NUP58: variants seen among roughly 807,000 people sequenced by gnomAD.
NUP58 encodes nucleoporin 58, also known as nucleoporin p58/p45.
In NUP58, 17 loss-of-function variants were observed where a neutral mutation model predicts 70.1. That is an observed-to-expected ratio of 0.24 (90% CI 0.17 to 0.36). The LOEUF is 0.36. Among genes scored for constraint, NUP58 ranks in the 10% least tolerant of loss-of-function variants. The pLI is 1.00. For synonymous variants in NUP58, 275 were observed against 257.6 expected (o/e 1.07, Z -0.65); for missense variants, 644 against 701.5 (o/e 0.92, Z 0.93).
At chr13:25,336,065 A>G (rs1220928555) in intron 13 of NUP58, 28 of 1,200,276 alleles carry the variant, frequency 2.3e-5, no homozygotes, top group Non-Finnish European at 2.9e-5. Flanking sequence ...TAAAGTAACA[A>G]GAGGGAAAAG....
At chr13:25,335,681 G>C (rs2031755320) in intron 13 of NUP58, 1 of 985,018 alleles carries the variant, frequency 1.0e-6, no homozygotes, top group Non-Finnish European at 1.2e-6. Context: ...TTCTGTCCCA[G>C]TGTAGCAAAA....
At chr13:25,305,872 C>T (rs185807578) in intron 1 of NUP58, among the ~76,000 whole-genome samples, 85 of 152,076 alleles carry the variant, frequency 5.6e-4, no homozygotes, top group South Asian at 2.9e-3. Flanking sequence ...TGAAGACACC[C>T]GGACCCAAGT....
intron 3 of NUP58, among the ~76,000 whole-genome samples, chr13:25,312,049 G>A (rs993608381): frequency 3.3e-5 from 5 of 152,148 alleles, no homozygotes; most frequent in Admixed American, 6.5e-5. Context: ...TTAATCACCT[G>A]TAGGAGAAAT....
At chr13:25,333,542 G>C (rs960056470) in intron 13 of NUP58, 3 of 985,184 alleles carry the variant, frequency 3.0e-6, no homozygotes, top group Non-Finnish European at 3.6e-6. Context: ...TGAATTCTTA[G>C]AACTGAGAAG....
chr13:25,312,886 C>T lies in NUP58; in HGVS notation c.290C>T (p.Thr97Met), dbSNP rs368369763. 101 of 1,603,386 alleles carry T rather than the reference C, an allele frequency of 6.3e-5. No homozygotes were observed. Among genetic ancestry groups the T allele is most frequent in the Non-Finnish European group, 7.6e-5 (89 of 1,174,412 alleles). Reference sequence around the variant, plus strand: ...ATTCATTTATTTATTTAAATAGGAACGCCAGCCACTACATCTGCAGCTACA... The same window carrying T: ...ATTCATTTATTTATTTAAATAGGAATGCCAGCCACTACATCTGCAGCTACA... ...TTITTGLTLG[T>M]PATTSAATTG... The change falls in exon 4 of 16, where the codon ACG (threonine) becomes ATG (methionine). Residue 97 changes from threonine (T) to methionine (M), a missense_variant. Around this residue, in one of 4 missense-constraint regions of NUP58, gnomAD observed 430 missense variants for 409.2 expected, o/e 1.05. Coordinates refer to ENST00000381736, the MANE Select transcript of NUP58 (RefSeq NM_014089.4).
At chr13:25,302,893 T>C in intron 1 of NUP58, 1 of 449,060 alleles carries the variant, frequency 2.2e-6, no homozygotes, top group Non-Finnish European at 4.4e-6. Flanking sequence ...CTGATAATGT[T>C]ACTTCTGCCA....
intron 13 of NUP58, chr13:25,333,912 G>A (rs1026763562): frequency 1.0e-6 from 1 of 985,260 alleles, no homozygotes; most frequent in Non-Finnish European, 1.2e-6. Flanking sequence ...ATTTGCATAT[G>A]AAATTTTTAT....
downstream of NUP58, among the ~76,000 whole-genome samples, chr13:25,346,093 ATAAT>A (rs1361451660): frequency 2.0e-5 from 3 of 152,182 alleles, no homozygotes; most frequent in Admixed American, 6.5e-5. Flanking sequence ...ACATTCCTTA[ATAAT>A]TTGTGTGATC....
chr13:25,331,950 T>C (rs1360995501), intron 13 of NUP58: 14 of 1,054,550 alleles, frequency 1.3e-5, no homozygotes, highest in Non-Finnish European at 1.6e-5. Context: ...TATATGATAC[T>C]GATAGGTGGT....
intron 2 of NUP58, among the ~76,000 whole-genome samples, chr13:25,308,840 C>T (rs567480318): frequency 2.0e-5 from 3 of 152,236 alleles, no homozygotes; most frequent in Admixed American, 2.0e-4. Flanking sequence ...CTACTTTTTG[C>T]GTTGATCTTC....
chr13:25,338,746 G>C lies in NUP58; in HGVS notation c.1630+15G>C. On this transcript the variant is annotated intron_variant, in intron 15 of 15. Coordinates refer to ENST00000381736, the MANE Select transcript of NUP58 (RefSeq NM_014089.4). ...TCTTAGTGCAGGTTTGTGTGTTTCT[G>C]CCTGGATTTCAGGCAAATTTAAAGG... 6.3e-7 allele frequency: 1 copy of C among 1,594,852 alleles called. No homozygotes were observed. Among genetic ancestry groups the C allele is most frequent in the Non-Finnish European group, 8.6e-7 (1 of 1,163,960 alleles).
intron 2 of NUP58, 102 bp downstream of exon 2, chr13:25,308,050 C>A: frequency 7.5e-7 from 1 of 1,326,606 alleles, no homozygotes; most frequent in South Asian, 1.6e-5. Flanking sequence ...TGGTAGTAGA[C>A]CTTAAAAAAT....
chr13:25,333,091 C>A (rs1018429125), intron 13 of NUP58: 1 of 985,118 alleles, frequency 1.0e-6, no homozygotes, highest in Non-Finnish European at 1.2e-6. Flanking sequence ...ATGATAAATA[C>A]CTAAACTTGA....
intron 1 of NUP58, among the ~76,000 whole-genome samples, chr13:25,303,945 G>A (rs545534113): frequency 2.0e-4 from 30 of 152,212 alleles, no homozygotes; most frequent in Non-Finnish European, 3.8e-4. Flanking sequence ...ATTAATGAAA[G>A]AGGAGACTGT....
intron 2 of NUP58, among the ~76,000 whole-genome samples, 185 bp from the exon 3 acceptor site, chr13:25,309,062 G>A (rs554801205): frequency 8.5e-5 from 13 of 152,168 alleles, no homozygotes; most frequent in African/African-American, 3.1e-4. Context: ...TGTATGGCTT[G>A]TAATATGAAA....
chr13:25,339,831 T>G, intron 15 of NUP58, 134 bp from the exon 16 acceptor site: 1 of 735,812 alleles, frequency 1.4e-6, no homozygotes, highest in South Asian at 2.3e-5. Context: ...TGTTAGAAAT[T>G]TAGGGCTTTA....
chr13:25,337,956 C>T (rs996188839), intron 14 of NUP58, among the ~76,000 whole-genome samples: 1 of 152,116 alleles, frequency 6.6e-6, no homozygotes, highest in Non-Finnish European at 1.5e-5. Context: ...GGAAACTAGT[C>T]TTCAAGTACT....
In NUP58 at chr13:25,313,140, G is replaced by A. The variant is rs1006610200; in HGVS notation, c.436+108G>A. 2.3e-5 allele frequency: 30 copies of A among 1,322,332 alleles called. No individual in the cohort carries two copies. The African/African-American group carries it at 4.2e-4, about 18-fold the overall frequency. 81.9% of individuals were successfully genotyped at this position (1,322,332 alleles called of 1,614,324 possible). The stretch of plus-strand genomic sequence containing the variant: ...ACAGAAATTATTGATTTATAAAGAA[G>A]AAAATTCAGCTTTGAGCATTGAAGC... On this transcript the variant is annotated intron_variant, in intron 4 of 15. Transcript: ENST00000381736.
At chr13:25,322,618 G>A (rs1003736672) in intron 9 of NUP58, among the ~76,000 whole-genome samples, 2 of 152,198 alleles carry the variant, frequency 1.3e-5, no homozygotes, top group Admixed American at 6.5e-5. Flanking sequence ...CAGGCTATGT[G>A]TATAAGAAAC....
Sources: gnomAD v4.1 joint callset for allele counts (sites outside exome capture counted in the v4.1 genomes callset) on GRCh38, gnomAD v4.1.1 for gene constraint, gnomAD v4.1.1 regional missense constraint, MANE v1.5 for transcripts, NCBI Gene and HGNC (gene_info 2026-07-23, HGNC 2026-07-21) for gene names.